The following CLIP3 variants were observed in gnomAD, a reference collection of about 807,000 sequenced individuals.
CLIP3 encodes the protein CAP-Gly domain-containing linker protein 3.
A neutral mutation model predicts 59.4 loss-of-function variants in CLIP3; 15 were observed. The ratio of observed to expected loss-of-function variants is 0.25; its 90% CI spans 0.17 to 0.39. The LOEUF (loss-of-function observed/expected upper bound fraction) is 0.39, where lower values mean the gene tolerates loss of function less well. Ranked by LOEUF, CLIP3 falls within the 10% of genes least tolerant of loss-of-function variation. The probability of loss-of-function intolerance (pLI) is 1.00; values close to 1 mark genes in which losing one functional copy is unlikely to be tolerated. For missense variants in CLIP3, 495 were observed against 765.7 expected, an observed-to-expected ratio of 0.65 and a Z score of 4.17; for synonymous variants, 300 against 321.6, an observed-to-expected ratio of 0.93 and a Z score of 0.72.
Position 36,026,795 on chromosome 19 carries a change from G to C in CLIP3, c.401-48C>G. 1 of 1,575,698 alleles carries C rather than the reference G, an allele frequency of 6.3e-7. No homozygotes were observed. ...TTGGAACCCCCATTCCAGAGCATGG[G>C]CCCAGTGCACGGGGAGGACCCTGGG... On this transcript the variant is annotated intron_variant, in intron 4 of 13. Coordinates refer to ENST00000360535, the MANE Select transcript of CLIP3 (RefSeq NM_015526.3). The surrounding 1 kb of genome is among the most constrained non-coding windows in gnomAD (Gnocchi z 6.3).
chr19:36,028,951 A>T (rs922827037), intron 2 of CLIP3, among the ~76,000 whole-genome samples: 3 of 150,124 alleles, frequency 2.0e-5, no homozygotes, highest in Non-Finnish European at 4.4e-5. Flanking sequence ...GGCCTTCCCA[A>T]ACCACACTGT....
Position 36,016,770 on chromosome 19 carries a change from G to C in CLIP3, c.1589+137C>G, listed in dbSNP as rs1968809431. On this transcript the variant is annotated intron_variant, in intron 13 of 13. Coordinates refer to ENST00000360535, the MANE Select transcript of CLIP3 (RefSeq NM_015526.3). The surrounding 1 kb of genome is among the most constrained non-coding windows in gnomAD (Gnocchi z 4.1). ...CCTACACCCTAAAGACTGTTTCTGG[G>C]TATGCTTACAAGTCACAAGTTTTCC... 2 of 853,332 alleles carry C rather than the reference G, an allele frequency of 2.3e-6. No individual in the cohort carries two copies. Among genetic ancestry groups the C allele is most frequent in the Non-Finnish European group, 3.8e-6 (2 of 529,016 alleles). 52.9% of individuals were successfully genotyped at this position (853,332 alleles called of 1,614,324 possible).
intron 12 of CLIP3, among the ~76,000 whole-genome samples, 189 bp downstream of exon 12, chr19:36,017,197 G>A (rs192538060): frequency 6.6e-6 from 1 of 152,230 alleles, no homozygotes; most frequent in East Asian, 1.9e-4. Context: ...TGTCCCCGAA[G>A]AGCCTTGTTG....
rs377031277 is a variant in CLIP3, at chr19:36,019,280, G to A, written c.945C>T (p.Thr315=). The change falls in exon 8 of 14, where the codon ACC becomes ACT. Residue 315 remains threonine (T), a synonymous_variant. Coordinates refer to ENST00000360535, the MANE Select transcript of CLIP3 (RefSeq NM_015526.3). The stretch of plus-strand genomic sequence containing the variant: ...CCCACTGGCCGCTGGCAAACTCCGT[G>A]GTCCCACAGAACCGCAGTGTGCCCG... The part of the protein sequence containing the change: ...QKTGTLRFCG[T]TEFASGQWVG... 5 of 1,613,300 alleles carry A rather than the reference G, an allele frequency of 3.1e-6. No homozygotes were observed. Among genetic ancestry groups the A allele is most frequent in the Non-Finnish European group, 4.2e-6 (5 of 1,179,934 alleles).
rs1260504324 is a variant in CLIP3 at position 36,016,410 on chromosome 19, C to T, written c.1590-198G>A. Reference sequence around the variant, plus strand: ...TCACCCAGGCTGGAGTGCCATGGCACGATCTCGGCTCACTGCAACCTCTGC... The same window carrying T: ...TCACCCAGGCTGGAGTGCCATGGCATGATCTCGGCTCACTGCAACCTCTGC... On this transcript the variant is annotated intron_variant, in intron 13 of 13. Coordinates refer to ENST00000360535, the MANE Select transcript of CLIP3 (RefSeq NM_015526.3). The surrounding 1 kb of genome is among the most constrained non-coding windows in gnomAD (Gnocchi z 4.1). Among the ~76,000 whole-genome samples the T allele has an allele frequency of 1.3e-5, 2 of 152,170 alleles. No homozygotes were observed. Among genetic ancestry groups the T allele is most frequent in the Non-Finnish European group, 2.9e-5 (2 of 68,024 alleles).
intron 7 of CLIP3, among the ~76,000 whole-genome samples, chr19:36,021,887 T>C (rs764887235): frequency 1.3e-5 from 2 of 151,490 alleles, no homozygotes; most frequent in South Asian, 2.1e-4. Context: ...TATTTATTTA[T>C]TTTTTTTTGG....
chr19:36,021,292 T>TC (rs1163792547), intron 7 of CLIP3, among the ~76,000 whole-genome samples: 1 of 151,892 alleles, frequency 6.6e-6, no homozygotes, highest in Non-Finnish European at 1.5e-5. Flanking sequence ...GCGGAAACTT[T>TC]TTTTTTTTTT....
At chr19:36,029,505 G>C (rs536379284) in intron 2 of CLIP3, among the ~76,000 whole-genome samples, 1 of 150,080 alleles carries the variant, frequency 6.7e-6, no homozygotes, top group Non-Finnish European at 1.5e-5. Flanking sequence ...GGCTGGTCTC[G>C]AACTCCTGGG....
In CLIP3 at chr19:36,032,087, CA is replaced by C; in HGVS notation, c.166+104del. 1.7e-6 allele frequency: 1 copy of C among 597,034 alleles called. No individual in the cohort carries two copies. The highest frequency in any genetic ancestry group is 2.5e-6 in the Non-Finnish European group (1 of 394,250). 37.0% of individuals were successfully genotyped at this position (597,034 alleles called of 1,614,324 possible). A position where few individuals can be genotyped will look rare whatever the true frequency, so the allele number is the denominator to read the frequency against. ...AGCCAAGATTCCTCTGGACCACCTT[CA>C]AATTCCCCAGAATTCTCCCACCATC... On this transcript the variant is annotated intron_variant, in intron 2 of 13. Coordinates refer to ENST00000360535, the MANE Select transcript of CLIP3 (RefSeq NM_015526.3). The surrounding 1 kb of genome is among the most constrained non-coding windows in gnomAD (Gnocchi z 4.3).
Position 36,026,364 on chromosome 19 carries a change from C to A in CLIP3, c.563-99G>T. On this transcript the variant is annotated intron_variant, in intron 5 of 13. Transcript: ENST00000360535. This position sits in a 1 kb window ranked among gnomAD's most constrained non-coding sequence, Gnocchi z 6.3. The stretch of plus-strand genomic sequence containing the variant: ...ATCTCTTAACTTGCAGGTCCCAGAG[C>A]CTCCGACGCAGAGCCCCGCCCCCAC... 1 of 1,235,290 alleles carries A rather than the reference C, an allele frequency of 8.1e-7. No individual in the cohort carries two copies. Among genetic ancestry groups the A allele is most frequent in the Non-Finnish European group, 1.2e-6 (1 of 861,018 alleles). 76.5% of individuals were successfully genotyped at this position (1,235,290 alleles called of 1,614,324 possible). A position where few individuals can be genotyped will look rare whatever the true frequency, so the allele number is the denominator to read the frequency against.
chr19:36,028,737 C>A (rs542809056), intron 2 of CLIP3, among the ~76,000 whole-genome samples: 1 of 152,288 alleles, frequency 6.6e-6, no homozygotes, highest in Admixed American at 6.5e-5. Flanking sequence ...CTCTGCACAT[C>A]CAGCCCCTCA....
intron 7 of CLIP3, 103 bp downstream of exon 7, chr19:36,024,291 GAC>G: frequency 1.1e-6 from 1 of 928,204 alleles, no homozygotes; most frequent in Non-Finnish European, 1.6e-6. Flanking sequence ...GCGGCAAGTA[GAC>G]AAAGGGCAGG....
At chr19:36,030,995 CT>C (rs1263492540) in intron 2 of CLIP3, among the ~76,000 whole-genome samples, 7 of 113,342 alleles carry the variant, frequency 6.2e-5, no homozygotes, top group East Asian at 2.7e-4. Flanking sequence ...TTTCTTTTTT[CT>C]TTTTTTCTTT....
chr19:36,021,964 C>T (rs562853662), intron 7 of CLIP3, among the ~76,000 whole-genome samples: 2 of 151,848 alleles, frequency 1.3e-5, no homozygotes, highest in South Asian at 2.1e-4. Flanking sequence ...CTGCAAGCTC[C>T]GCCTCCTGGG....
rs139881198 is a variant in CLIP3 at position 36,023,230 on chromosome 19, C to T, written c.918+1166G>A. On this transcript the variant is annotated intron_variant, in intron 7 of 13. Coordinates refer to ENST00000360535, the MANE Select transcript of CLIP3 (RefSeq NM_015526.3). The stretch of plus-strand genomic sequence containing the variant: ...CTCTGGCCTGGGTGACAGCAAGACC[C>T]TGTCTCAAAAACACAAAAACAAAAT... Among the ~76,000 whole-genome samples, 1,296 of 152,212 alleles carry T rather than the reference C, an allele frequency of 8.5e-3. 9 individuals are homozygous for T. The highest frequency in any genetic ancestry group is 0.015 in the Non-Finnish European group (988 of 67,984).
At chr19:36,028,996 CTTTTTTTTT>C (rs71167588) in intron 2 of CLIP3, among the ~76,000 whole-genome samples, 3 of 65,212 alleles carry the variant, frequency 4.6e-5, no homozygotes, top group African/African-American at 2.0e-4. Context: ...ATCTCCTACT[CTTTTTTTTT>C]TTTTTTTTTT....
In CLIP3 at chr19:36,026,263, C is replaced by A. The variant is rs1969103509; in HGVS notation, c.565G>T (p.Val189Leu). 6.2e-7 allele frequency: 1 copy of A among 1,610,812 alleles called. No homozygotes were observed. The highest frequency in any genetic ancestry group is 8.5e-7 in the Non-Finnish European group (1 of 1,177,910). Residue 189 changes from valine (V) to leucine (L), a missense_variant and splice_region_variant, in exon 6 of 14, where the codon GTG (valine) becomes TTG (leucine). Around this residue, in one of 5 missense-constraint regions of CLIP3, gnomAD observed 194 missense variants for 327.8 expected, o/e 0.59. Coordinates refer to ENST00000360535, the MANE Select transcript of CLIP3 (RefSeq NM_015526.3). This position sits in a 1 kb window ranked among gnomAD's most constrained non-coding sequence, Gnocchi z 6.3. ...TTGAAGTCACTGCACGTGGAGTTCA[C>A]CACTGGAAGTGGGCAAGAGGAGGGG... ...VLLKGARPRVVNSTCSDFNHG... is the reference protein window; with the variant it reads ...VLLKGARPRVLNSTCSDFNHG...
chr19:36,023,876 G>T (rs1969018140), intron 7 of CLIP3, among the ~76,000 whole-genome samples: 1 of 152,102 alleles, frequency 6.6e-6, no homozygotes, highest in Non-Finnish European at 1.5e-5. Flanking sequence ...GGAGTCCCTG[G>T]ATAAATGAAG....
chr19:36,031,023 C>T (rs28670478), intron 2 of CLIP3, among the ~76,000 whole-genome samples: 20,808 of 77,480 alleles, frequency 0.27, 1,581 homozygotes, highest in East Asian at 0.32. Flanking sequence ...TTTTTTTTTT[C>T]TTTTTTTTTT....
Sources: allele counts gnomAD v4.1 joint callset (sites outside exome capture counted in the v4.1 genomes callset), GRCh38; gene constraint gnomAD v4.1.1; regional missense constraint gnomAD v4.1.1; non-coding constraint Gnocchi (gnomAD v3.1); transcripts MANE v1.5; gene names NCBI Gene and HGNC (gene_info 2026-07-23, HGNC 2026-07-21).